MYO5A: variants seen among roughly 807,000 people sequenced by gnomAD.
MYO5A encodes myosin VA.
MYO5A carries 98 observed loss-of-function variants against 249.7 expected under a neutral mutation model. That is an observed-to-expected ratio of 0.39 (90% CI 0.33 to 0.46). MYO5A has a LOEUF of 0.46. Among genes scored for constraint, MYO5A ranks in the 20% least tolerant of loss-of-function variants. The pLI is 0.98. For synonymous variants in MYO5A, 778 were observed against 810.6 expected (o/e 0.96, Z 0.68); for missense variants, 1,696 against 2,308.8 (o/e 0.73, Z 5.44).
chr15:52,370,153 T>A lies in MYO5A; in HGVS notation c.3066+16A>T, dbSNP rs757528634. On this transcript the variant is annotated intron_variant, in intron 22 of 41. Coordinates refer to ENST00000399233, the MANE Select transcript of MYO5A (RefSeq NM_001382347.1). ...TTTGTGTACGGAGTAGATGGGGATA[T>A]GGACATTATTCCTACCTGCTCTGTT... is the stretch of plus-strand genomic sequence containing the variant. 6.2e-7 allele frequency: 1 copy of A among 1,613,930 alleles called. No individual in the cohort carries two copies. Among genetic ancestry groups the A allele is most frequent in the Non-Finnish European group, 8.5e-7 (1 of 1,179,860 alleles).
chr15:52,317,099 A>T lies in MYO5A; in HGVS notation c.5358T>A (p.Asp1786Glu), dbSNP rs1425890819. The change falls in exon 40 of 42, where the codon GAT becomes GAA. Residue 1786 changes from aspartate to glutamate, a missense_variant. Around this residue, in one of 5 missense-constraint regions of MYO5A, gnomAD observed 625 missense variants for 908.1 expected, o/e 0.69. Coordinates refer to ENST00000399233, the MANE Select transcript of MYO5A (RefSeq NM_001382347.1). ...AQLLQVKKKT[D>E]DDAEAICSMC... The stretch of plus-strand genomic sequence containing the variant: ...TAGAACAAATGGCTTCTGCATCATC[A>T]TCTGTTTTCTTTTTCACTTGCAAAA... 1.2e-6 allele frequency: 2 copies of T among 1,614,106 alleles called. No homozygotes were observed. Among genetic ancestry groups the T allele is most frequent in the Non-Finnish European group, 1.7e-6 (2 of 1,179,994 alleles).
chr15:52,364,306 T>G (rs1041351657), intron 24 of MYO5A, among the ~76,000 whole-genome samples: 12 of 152,080 alleles, frequency 7.9e-5, no homozygotes, highest in Non-Finnish European at 1.3e-4. Flanking sequence ...AGCCCAGTCT[T>G]TAAACTGTTT....
At chr15:52,369,665 T>C (rs953733287) in intron 22 of MYO5A, among the ~76,000 whole-genome samples, 5 of 152,108 alleles carry the variant, frequency 3.3e-5, no homozygotes, top group African/African-American at 1.2e-4. Context: ...AAATATTATG[T>C]CTAATGTTCC....
intron 1 of MYO5A, among the ~76,000 whole-genome samples, chr15:52,496,297 C>T (rs1206211548): frequency 6.6e-6 from 1 of 152,082 alleles, no homozygotes; most frequent in African/African-American, 2.4e-5. Flanking sequence ...TGTATATCTG[C>T]CCCCTGTGCT....
intron 29 of MYO5A, among the ~76,000 whole-genome samples, chr15:52,347,721 A>G (rs975171446): frequency 5.3e-5 from 8 of 152,240 alleles, no homozygotes; most frequent in Non-Finnish European, 1.0e-4. Context: ...AAGACCAACT[A>G]TAATCTCATG....
chr15:52,521,801 T>C (rs929148137), intron 1 of MYO5A, among the ~76,000 whole-genome samples: 1 of 152,208 alleles, frequency 6.6e-6, no homozygotes, highest in Non-Finnish European at 1.5e-5. Context: ...GAGCCAGGGA[T>C]AAGTTTCTGC....
At chr15:52,486,023 T>A (rs1396679471) in intron 1 of MYO5A, among the ~76,000 whole-genome samples, 1 of 152,252 alleles carries the variant, frequency 6.6e-6, no homozygotes, top group Non-Finnish European at 1.5e-5. Context: ...ATTTCCATAG[T>A]AAACGTTTTC....
At chr15:52,470,761 A>T (rs757070297) in intron 1 of MYO5A, among the ~76,000 whole-genome samples, 4 of 151,986 alleles carry the variant, frequency 2.6e-5, no homozygotes, top group Non-Finnish European at 5.9e-5. Flanking sequence ...AGTGGCTCAC[A>T]TCGGTAATCC....
At chr15:52,485,797 T>C (rs1475422724) in intron 1 of MYO5A, among the ~76,000 whole-genome samples, 1 of 152,212 alleles carries the variant, frequency 6.6e-6, no homozygotes, top group African/African-American at 2.4e-5. Flanking sequence ...ATGATAGTAA[T>C]ATGCTAAATA....
chr15:52,467,892 A>AC (rs2076383043), intron 1 of MYO5A, among the ~76,000 whole-genome samples: 3 of 152,248 alleles, frequency 2.0e-5, no homozygotes, highest in Admixed American at 6.5e-5. Context: ...GAAAGAAAAA[A>AC]GAAAAACCTA....
intron 1 of MYO5A, among the ~76,000 whole-genome samples, chr15:52,524,762 C>G (rs903406885): frequency 6.6e-6 from 1 of 150,978 alleles, no homozygotes; most frequent in Admixed American, 6.6e-5. Flanking sequence ...CAGCTACTCA[C>G]GAGGCTGAGG....
intron 1 of MYO5A, among the ~76,000 whole-genome samples, chr15:52,459,147 ATTTTT>A (rs531798708): frequency 6.1e-4 from 39 of 64,290 alleles, no homozygotes; most frequent in Admixed American, 3.1e-3. Context: ...TTTTCCAGAA[ATTTTT>A]TTTTTTTTTT....
intron 4 of MYO5A, among the ~76,000 whole-genome samples, chr15:52,416,883 G>C (rs1040951705): frequency 6.6e-6 from 1 of 152,168 alleles, no homozygotes; most frequent in African/African-American, 2.4e-5. Flanking sequence ...AAGGACTCCA[G>C]CTCTTTCTCT....
At chr15:52,365,787 G>A (rs1032267379) in intron 23 of MYO5A, among the ~76,000 whole-genome samples, 1 of 152,170 alleles carries the variant, frequency 6.6e-6, no homozygotes, top group African/African-American at 2.4e-5. Context: ...GCTGCTCTGA[G>A]CCTACCAAAA....
rs1194202297 is a variant in MYO5A, at chr15:52,310,617, C to T, written c.*3079G>A. ...GCACCAGGAAGGCCAGCAGGGGCAA[C>T]TGAGGACTGACTCCATCCACCTGCC... On this transcript the variant is annotated 3_prime_UTR_variant, in exon 42 of 42. Coordinates refer to ENST00000399233, the MANE Select transcript of MYO5A (RefSeq NM_001382347.1). 1 of 152,308 alleles carries T rather than the reference C, an allele frequency of 6.6e-6. No individual in the cohort carries two copies. Among genetic ancestry groups the T allele is most frequent in the Non-Finnish European group, 1.5e-5 (1 of 68,116 alleles). The allele number at this position is 152,308 out of a possible 1,614,324, so 9.4% of individuals were successfully genotyped here.
chr15:52,525,263 A>C (rs1331636963), intron 1 of MYO5A, among the ~76,000 whole-genome samples: 1 of 152,248 alleles, frequency 6.6e-6, no homozygotes, highest in Non-Finnish European at 1.5e-5. Flanking sequence ...AGTACACTTT[A>C]AATGGTGAAT....
At chr15:52,368,701 T>A (rs2141078650) in intron 22 of MYO5A, among the ~76,000 whole-genome samples, 1 of 152,206 alleles carries the variant, frequency 6.6e-6, no homozygotes. Flanking sequence ...GGCCAGGAGT[T>A]CAAGACCAGC....
rs933912125 is a variant in MYO5A, at chr15:52,354,119, T to C, written c.3424-105A>G. The C allele has an allele frequency of 1.7e-5, 22 of 1,317,646 alleles. No homozygotes were observed. In the Admixed American group the frequency reaches 2.3e-4, roughly 14 times the overall value. 81.6% of individuals were successfully genotyped at this position (1,317,646 alleles called of 1,614,324 possible). On this transcript the variant is annotated intron_variant, in intron 25 of 41. Coordinates refer to ENST00000399233, the MANE Select transcript of MYO5A (RefSeq NM_001382347.1). ...TGGAAAAATAGGCAAACTTACAGAA[T>C]AAGAAATACAAACATCTAGAGAATA...
chr15:52,477,849 C>T (rs2076629346), intron 1 of MYO5A, among the ~76,000 whole-genome samples: 1 of 152,220 alleles, frequency 6.6e-6, no homozygotes, highest in Non-Finnish European at 1.5e-5. Flanking sequence ...AGTTAGGCTA[C>T]TCAGGGGTCA....
Sources: allele counts gnomAD v4.1 joint callset (sites outside exome capture counted in the v4.1 genomes callset), GRCh38; gene constraint gnomAD v4.1.1; regional missense constraint gnomAD v4.1.1; transcripts MANE v1.5; gene names NCBI Gene and HGNC (gene_info 2026-07-23, HGNC 2026-07-21).